MAGI1: variants seen among roughly 807,000 people sequenced by gnomAD.
MAGI1 encodes the protein membrane associated guanylate kinase, WW and PDZ domain containing 1.
A neutral mutation model predicts 139.9 loss-of-function variants in MAGI1; 58 were observed. The ratio of observed to expected loss-of-function variants is 0.41; its 90% CI spans 0.34 to 0.52. MAGI1 has a LOEUF of 0.52. MAGI1 is among the 20% of genes least tolerant of loss of function. MAGI1 has a pLI of 0.12. For missense variants in MAGI1, 1,874 were observed against 1,901.6 expected (o/e 0.99, Z 0.27); for synonymous variants, 812 against 737.9 (o/e 1.10, Z -1.63).
chr3:65,766,553 G>A (rs559549218), intron 1 of MAGI1, among the ~76,000 whole-genome samples: 7 of 152,072 alleles, frequency 4.6e-5, no homozygotes, highest in African/African-American at 1.4e-4. Flanking sequence ...CATGAGCCAC[G>A]GCCCTTGGCC....
intron 5 of MAGI1, among the ~76,000 whole-genome samples, chr3:65,465,572 G>A (rs1269311973): frequency 1.3e-5 from 2 of 151,656 alleles, no homozygotes; most frequent in African/African-American, 4.8e-5. Flanking sequence ...ACTTCCTTTC[G>A]GCCTTTGTTG....
intron 2 of MAGI1, among the ~76,000 whole-genome samples, chr3:65,577,324 T>C (rs1030098136): frequency 6.6e-6 from 1 of 152,146 alleles, no homozygotes; most frequent in African/African-American, 2.4e-5. Flanking sequence ...AAAGAATCCA[T>C]TATGAATAAA....
intron 1 of MAGI1, among the ~76,000 whole-genome samples, chr3:65,790,231 G>C (rs1381408138): frequency 6.6e-6 from 1 of 152,084 alleles, no homozygotes; most frequent in Non-Finnish European, 1.5e-5. Context: ...AGAACTATAA[G>C]ACCACTGGCC....
intron 1 of MAGI1, among the ~76,000 whole-genome samples, chr3:65,859,760 TC>T (rs2059488401): frequency 6.6e-6 from 1 of 151,002 alleles, no homozygotes; most frequent in African/African-American, 2.4e-5. Context: ...AGCAGATAGA[TC>T]CCCCAAACAG....
At chr3:65,691,844 T>G (rs2088690384) in intron 1 of MAGI1, among the ~76,000 whole-genome samples, 1 of 152,206 alleles carries the variant, frequency 6.6e-6, no homozygotes, top group Non-Finnish European at 1.5e-5. Flanking sequence ...CTAACTGGAC[T>G]GAAATCGTTC....
rs1655180298 is a variant in MAGI1, at chr3:65,538,876, C to T, written c.431-45245G>A. 2.6e-5 allele frequency among the ~76,000 whole-genome samples: 4 copies of T among 152,222 alleles called. No homozygotes were observed. In the South Asian group the frequency reaches 8.3e-4, roughly 32 times the overall value. On this transcript the variant is annotated intron_variant, in intron 2 of 22. Transcript: ENST00000402939. ...ACAAACAGACACACATACCAACTGC[C>T]TACTGTCAACCAGAAACACATACTA... is the stretch of plus-strand genomic sequence containing the variant.
chr3:65,991,306 G>GA (rs2066160682), intron 1 of MAGI1, among the ~76,000 whole-genome samples: 2 of 93,492 alleles, frequency 2.1e-5, no homozygotes, highest in African/African-American at 1.0e-4. Context: ...AAAAAAAAAG[G>GA]TAAAAAAAAA....
intron 1 of MAGI1, among the ~76,000 whole-genome samples, chr3:65,975,363 C>G (rs1007920286): frequency 6.6e-6 from 1 of 152,184 alleles, no homozygotes; most frequent in African/African-American, 2.4e-5. Flanking sequence ...AGTCTTCATA[C>G]CAGCATATTG....
At chr3:65,571,081 C>G (rs2080933611) in intron 2 of MAGI1, among the ~76,000 whole-genome samples, 1 of 152,094 alleles carries the variant, frequency 6.6e-6, no homozygotes. Flanking sequence ...AACCTATAAA[C>G]CAGTTTGCTT....
chr3:65,719,549 T>TC, intron 1 of MAGI1, among the ~76,000 whole-genome samples: 1 of 138,120 alleles, frequency 7.2e-6, no homozygotes, highest in East Asian at 2.0e-4. Flanking sequence ...ACTCAACCTC[T>TC]TTTTTTTTTT....
At chr3:65,905,490 TA>T (rs34695349) in intron 1 of MAGI1, among the ~76,000 whole-genome samples, 3,546 of 141,814 alleles carry the variant, frequency 0.025, 98 homozygotes, top group African/African-American at 0.067. Context: ...GACCTTGCCT[TA>T]AAAAAAAAAA....
intron 1 of MAGI1, among the ~76,000 whole-genome samples, chr3:65,986,809 T>A (rs57242204): frequency 0.094 from 14,342 of 152,178 alleles, 866 homozygotes; most frequent in East Asian, 0.25. Flanking sequence ...TTGAGAATAA[T>A]GTAATTTTTA....
At chr3:65,831,226 A>T (rs147301788) in intron 1 of MAGI1, among the ~76,000 whole-genome samples, 239 of 152,308 alleles carry the variant, frequency 1.6e-3, no homozygotes, top group African/African-American at 5.5e-3. Context: ...AACTTCAAGC[A>T]AGTGTCACTT....
chr3:66,002,147 T>A (rs1245006003), intron 1 of MAGI1, among the ~76,000 whole-genome samples: 1 of 152,172 alleles, frequency 6.6e-6, no homozygotes, highest in Admixed American at 6.5e-5. Context: ...TCTCCTCAGG[T>A]AAGGATTAAC....
chr3:65,419,619 A>G (rs1946498543), intron 12 of MAGI1, among the ~76,000 whole-genome samples: 1 of 152,202 alleles, frequency 6.6e-6, no homozygotes, highest in Non-Finnish European at 1.5e-5. Flanking sequence ...ACAATTAACA[A>G]GTGTGAGAAG....
At chr3:65,668,211 T>C (rs1030951126) in intron 1 of MAGI1, among the ~76,000 whole-genome samples, 5 of 152,158 alleles carry the variant, frequency 3.3e-5, no homozygotes, top group African/African-American at 1.2e-4. Flanking sequence ...CCAGAAGGGT[T>C]GACGTGAGGT....
At chr3:65,562,166 A>C (rs1236053361) in intron 2 of MAGI1, among the ~76,000 whole-genome samples, 6 of 152,184 alleles carry the variant, frequency 3.9e-5, no homozygotes. Flanking sequence ...TACTATCTGC[A>C]GTTTCAGGCT....
intron 1 of MAGI1, among the ~76,000 whole-genome samples, chr3:65,672,185 T>C (rs1031617438): frequency 6.6e-6 from 1 of 152,310 alleles, no homozygotes; most frequent in Non-Finnish European, 1.5e-5. Context: ...TTCAGATTCA[T>C]GAAATGCTTT....
chr3:65,557,756 A>G (rs1369901076), intron 2 of MAGI1, among the ~76,000 whole-genome samples: 1 of 152,192 alleles, frequency 6.6e-6, no homozygotes, highest in Admixed American at 6.5e-5. Flanking sequence ...GACAGGCCTC[A>G]AAAACATTAG....
Sources: allele counts gnomAD v4.1 joint callset (sites outside exome capture counted in the v4.1 genomes callset), GRCh38; gene constraint gnomAD v4.1.1; transcripts MANE v1.5; gene names NCBI Gene and HGNC (gene_info 2026-07-23, HGNC 2026-07-21).